The following PTPRT variants were observed in gnomAD, a reference collection of about 807,000 sequenced individuals.
PTPRT encodes protein tyrosine phosphatase receptor type T, also known as receptor-type tyrosine-protein phosphatase T.
In PTPRT, 56 loss-of-function variants were observed where a neutral mutation model predicts 176.8. The observed-to-expected ratio is 0.32, with a 90% CI of 0.26 to 0.40. The LOEUF (loss-of-function observed/expected upper bound fraction) is 0.40, where lower values mean the gene tolerates loss of function less well. PTPRT is among the 10% of genes least tolerant of loss of function. The pLI is 1.00. For missense variants in PTPRT, 1,540 were observed against 1,908.2 expected, an observed-to-expected ratio of 0.81 and a Z score of 3.60; for synonymous variants, 783 against 739.0, an observed-to-expected ratio of 1.06 and a Z score of -0.96.
At chr20:42,050,811 G>C in the PTPRT span, among the ~76,000 whole-genome samples, 4 of 152,174 alleles carry the variant, frequency 2.6e-5, no homozygotes, top group Non-Finnish European at 5.9e-5. Context: ...AGCTGAGGCT[G>C]CTGTGCCCAT....
At chr20:43,011,575 G>T (rs527471084) in intron 1 of PTPRT, among the ~76,000 whole-genome samples, 1 of 152,306 alleles carries the variant, frequency 6.6e-6, no homozygotes, top group African/African-American at 2.4e-5. Flanking sequence ...GGACTGAAAT[G>T]AATCTGAGCA....
At chr20:42,408,217 A>G (rs539230494) in intron 9 of PTPRT, among the ~76,000 whole-genome samples, 5 of 152,284 alleles carry the variant, frequency 3.3e-5, no homozygotes, top group African/African-American at 9.6e-5. Flanking sequence ...AAGTAGGAGG[A>G]ACCACGATGT....
At chr20:42,218,624 C>A (rs1192727938) in intron 15 of PTPRT, among the ~76,000 whole-genome samples, 1 of 152,188 alleles carries the variant, frequency 6.6e-6, no homozygotes, top group East Asian at 1.9e-4. Flanking sequence ...CTCCCAAGCA[C>A]AGAAAGCTGG....
In PTPRT at chr20:42,505,703, T is replaced by C. The variant is rs531860513; in HGVS notation, c.1154-33141A>G. On this transcript the variant is annotated intron_variant, in intron 7 of 30. Transcript: ENST00000373187. ...GGTCATAGAAGGAGGGTGAGTTTCA[T>C]ATGAGCAACAGGAACTACTGGCTTA... Among the ~76,000 whole-genome samples the C allele has an allele frequency of 1.2e-3, 185 of 152,254 alleles. 1 individual carries two copies. The highest frequency in any genetic ancestry group is 4.3e-3 in the African/African-American group (177 of 41,560).
chr20:42,252,399 C>T (rs2056563024), intron 13 of PTPRT, among the ~76,000 whole-genome samples: 1 of 152,072 alleles, frequency 6.6e-6, no homozygotes, highest in Non-Finnish European at 1.5e-5. Context: ...TGAAATCACC[C>T]TGGGAAAGAA....
intron 1 of PTPRT, among the ~76,000 whole-genome samples, chr20:43,113,548 T>A: frequency 6.6e-6 from 1 of 152,196 alleles, no homozygotes; most frequent in Non-Finnish European, 1.5e-5. Context: ...AGAAATAGTA[T>A]CCTGGGTCAC....
At chr20:42,233,717 C>CTTCTATACAT (rs2056182265) in intron 15 of PTPRT, among the ~76,000 whole-genome samples, 5 of 152,234 alleles carry the variant, frequency 3.3e-5, no homozygotes, top group African/African-American at 9.6e-5. Context: ...TTTGCAGTGG[C>CTTCTATACAT]ATACAATATA....
chr20:42,851,881 T>C (rs913868023), intron 2 of PTPRT, among the ~76,000 whole-genome samples: 5 of 152,210 alleles, frequency 3.3e-5, no homozygotes, highest in African/African-American at 1.2e-4. Flanking sequence ...ATGATCTGCC[T>C]TTCCCTCTAA....
chr20:42,223,140 C>T (rs780543315), intron 15 of PTPRT, among the ~76,000 whole-genome samples: 2 of 152,084 alleles, frequency 1.3e-5, no homozygotes, highest in Admixed American at 6.5e-5. Context: ...ACAACACTTA[C>T]GTGAAAGTAC....
At chr20:42,628,680 C>A (rs946797583) in intron 7 of PTPRT, among the ~76,000 whole-genome samples, 2 of 152,080 alleles carry the variant, frequency 1.3e-5, no homozygotes, top group African/African-American at 4.8e-5. Flanking sequence ...TCTTAATATT[C>A]TTTATGAATA....
At chr20:42,474,282 T>G (rs1270673354) in intron 7 of PTPRT, among the ~76,000 whole-genome samples, 1 of 152,174 alleles carries the variant, frequency 6.6e-6, no homozygotes, top group Admixed American at 6.5e-5. Flanking sequence ...TCTGCACCAA[T>G]GCAGCAATAA....
At chr20:42,405,492 T>C (rs963924251) in intron 9 of PTPRT, among the ~76,000 whole-genome samples, 2 of 152,206 alleles carry the variant, frequency 1.3e-5, no homozygotes, top group African/African-American at 4.8e-5. Context: ...GGTTTCCAGC[T>C]TCATCCATGT....
intron 6 of PTPRT, among the ~76,000 whole-genome samples, chr20:42,701,719 T>C (rs1323709815): frequency 6.6e-6 from 1 of 152,096 alleles, no homozygotes; most frequent in Admixed American, 6.5e-5. Context: ...TTGGAGAATG[T>C]GGTGTCCCAG....
chr20:42,194,608 C>G (rs1991128406), intron 16 of PTPRT, among the ~76,000 whole-genome samples: 1 of 151,942 alleles, frequency 6.6e-6, no homozygotes, highest in Non-Finnish European at 1.5e-5. Context: ...GAAGAAAGAC[C>G]CAGAAAATGA....
intron 15 of PTPRT, among the ~76,000 whole-genome samples, chr20:42,212,021 ATC>A (rs2055645764): frequency 6.9e-6 from 1 of 144,836 alleles, no homozygotes; most frequent in Non-Finnish European, 1.5e-5. Context: ...ACTGGAAAAC[ATC>A]ATTCTCAGTA....
At chr20:42,484,395 T>C (rs1438546466) in intron 7 of PTPRT, among the ~76,000 whole-genome samples, 2 of 152,224 alleles carry the variant, frequency 1.3e-5, no homozygotes, top group Non-Finnish European at 2.9e-5. Context: ...AGGATGCATG[T>C]ATCTGTTGAG....
intron 6 of PTPRT, among the ~76,000 whole-genome samples, chr20:42,732,864 T>C (rs1301439699): frequency 6.6e-6 from 1 of 152,186 alleles, no homozygotes; most frequent in Admixed American, 6.5e-5. Flanking sequence ...AATGCAGATG[T>C]TCATATTTTA....
In PTPRT at chr20:42,551,173, T is replaced by C. The variant is rs563705240; in HGVS notation, c.1154-78611A>G. 2.6e-5 allele frequency among the ~76,000 whole-genome samples: 4 copies of C among 152,230 alleles called. No individual in the cohort carries two copies. The East Asian group carries it at 5.8e-4, about 22-fold the overall frequency. On this transcript the variant is annotated intron_variant, in intron 7 of 30. Transcript: ENST00000373187. ...ATTATATATCTCTTTATATAAGGGG[T>C]ATGTTTTATGGATTTATGCATATTA...
chr20:42,567,997 T>C (rs1424355163), intron 7 of PTPRT, among the ~76,000 whole-genome samples: 3 of 148,184 alleles, frequency 2.0e-5, no homozygotes, highest in Non-Finnish European at 4.5e-5. Context: ...GGAGACGGAG[T>C]CTTGCTCTGT....
Sources: gnomAD v4.1 joint callset for allele counts (sites outside exome capture counted in the v4.1 genomes callset) on GRCh38, gnomAD v4.1.1 for gene constraint, MANE v1.5 for transcripts, NCBI Gene and HGNC (gene_info 2026-07-23, HGNC 2026-07-21) for gene names.